The following RPS6KC1 variants were observed in gnomAD, a reference collection of about 807,000 sequenced individuals.
RPS6KC1 encodes inactive ribosomal protein S6 kinase delta-1.
RPS6KC1 carries 54 observed loss-of-function variants against 103.8 expected under a neutral mutation model. That is an observed-to-expected ratio of 0.52 (90% CI 0.42 to 0.65). RPS6KC1 has a LOEUF of 0.65. Ranked by LOEUF, RPS6KC1 falls within the 30% of genes least tolerant of loss-of-function variation. The pLI, the probability that RPS6KC1 is intolerant of heterozygous loss-of-function variation, is 0.00. For missense variants in RPS6KC1, 1,151 were observed against 1,253.8 expected (o/e 0.92, Z 1.24); for synonymous variants, 439 against 438.7 (o/e 1.00, Z -0.01).
Position 213,244,995 on chromosome 1 carries a change from C to T in RPS6KC1, c.2911+2337C>T, listed in dbSNP as rs186364458. Among the ~76,000 whole-genome samples the T allele has an allele frequency of 5.7e-3, 864 of 152,244 alleles. 10 individuals are homozygous for T. The highest frequency in any genetic ancestry group is 0.017 in the African/African-American group (721 of 41,556). On this transcript the variant is annotated intron_variant, in intron 12 of 14. Transcript: ENST00000366960. ...CATTCATTGGGCCTGTTAATTTTAGCAACCAGGTAAAACAAAACGAGTAAT... is the reference window on the plus strand; with the variant it reads ...CATTCATTGGGCCTGTTAATTTTAGTAACCAGGTAAAACAAAACGAGTAAT...
At chr1:213,221,833 CA>C (rs1429331082) in intron 8 of RPS6KC1, among the ~76,000 whole-genome samples, 2 of 152,076 alleles carry the variant, frequency 1.3e-5, no homozygotes, top group African/African-American at 4.8e-5. Context: ...TTTGCATAAA[CA>C]AAGTATATTT....
At chr1:213,786,525 G>A in the RPS6KC1 span, among the ~76,000 whole-genome samples, 4 of 152,126 alleles carry the variant, frequency 2.6e-5, no homozygotes, top group Non-Finnish European at 2.9e-5. Flanking sequence ...GGTGTCCTTG[G>A]ATAAAGTCAC....
chr1:213,363,812 TTCTTCTC>T, the RPS6KC1 span, among the ~76,000 whole-genome samples: 1 of 95,424 alleles, frequency 1.0e-5, no homozygotes, highest in Admixed American at 9.8e-5. Flanking sequence ...CTTTCTTTCT[TTCTTCTC>T]TCTTTTTTTT....
chr1:213,422,996 C>A, the RPS6KC1 span, among the ~76,000 whole-genome samples: 4 of 152,188 alleles, frequency 2.6e-5, no homozygotes, highest in African/African-American at 9.6e-5. Flanking sequence ...ACAGAAAAAC[C>A]TGGAGTTTCA....
intron 2 of RPS6KC1, among the ~76,000 whole-genome samples, chr1:213,071,399 G>T (rs914762148): frequency 6.6e-6 from 1 of 152,174 alleles, no homozygotes; most frequent in Non-Finnish European, 1.5e-5. Flanking sequence ...AAAGTGCTGG[G>T]ATTACAGACG....
the RPS6KC1 span, among the ~76,000 whole-genome samples, chr1:213,480,891 G>A: frequency 6.6e-6 from 1 of 152,042 alleles, no homozygotes; most frequent in South Asian, 2.1e-4. Flanking sequence ...AGATAACTAT[G>A]CATATTATTC....
intron 8 of RPS6KC1, among the ~76,000 whole-genome samples, chr1:213,187,877 T>A (rs2092597948): frequency 6.6e-6 from 1 of 152,200 alleles, no homozygotes; most frequent in South Asian, 2.1e-4. Flanking sequence ...TAGTGAATCT[T>A]TACATCTAGG....
In RPS6KC1 at chr1:213,058,613, C is replaced by G. The variant is rs368545795; in HGVS notation, c.105+7104C>G. Among the ~76,000 whole-genome samples, 12 of 152,112 alleles carry G rather than the reference C, an allele frequency of 7.9e-5. No individual in the cohort carries two copies. The East Asian group carries it at 1.9e-3, about 24-fold the overall frequency. ...TGACTATATATGTGTAAAGCTGTTT[C>G]TGGATTCTCTTATTTTGTTCCATAC... On this transcript the variant is annotated intron_variant, in intron 1 of 14. Coordinates refer to ENST00000366960, the MANE Select transcript of RPS6KC1 (RefSeq NM_012424.6).
chr1:213,481,634 C>G, the RPS6KC1 span, among the ~76,000 whole-genome samples: 1 of 152,090 alleles, frequency 6.6e-6, no homozygotes, highest in East Asian at 1.9e-4. Context: ...ATCTTTATCT[C>G]CTGTTTTTTT....
In RPS6KC1 at chr1:213,090,250, A is replaced by G. The variant is rs139340983; in HGVS notation, c.262+12434A>G. On this transcript the variant is annotated intron_variant, in intron 3 of 14. Coordinates refer to ENST00000366960, the MANE Select transcript of RPS6KC1 (RefSeq NM_012424.6). The stretch of plus-strand genomic sequence containing the variant: ...TCATGCTTCTAAACCTACAGCCAGT[A>G]TTTTTTCTTGTGTTCTAAAAGTAAG... Among the ~76,000 whole-genome samples the G allele has an allele frequency of 4.1e-4, 62 of 152,226 alleles. No individual in the cohort carries two copies. The East Asian group carries it at 9.7e-3, about 24-fold the overall frequency.
the RPS6KC1 span, among the ~76,000 whole-genome samples, chr1:213,583,991 G>A: frequency 0.042 from 6,336 of 152,120 alleles, 188 homozygotes; most frequent in East Asian, 0.11. Context: ...TTGAATTTTA[G>A]CCCCCATAAT....
the RPS6KC1 span, among the ~76,000 whole-genome samples, chr1:213,605,853 G>T: frequency 1.3e-5 from 2 of 151,996 alleles, no homozygotes; most frequent in Admixed American, 6.5e-5. Flanking sequence ...CCAAGGTTAC[G>T]CCAGAGGACA....
intron 6 of RPS6KC1, among the ~76,000 whole-genome samples, chr1:213,133,088 C>T (rs537210511): frequency 5.3e-4 from 81 of 152,308 alleles, no homozygotes; most frequent in Non-Finnish European, 2.8e-4. Flanking sequence ...ACTTCACTTA[C>T]TCCCTCTTAG....
the RPS6KC1 span, among the ~76,000 whole-genome samples, chr1:213,631,064 G>A: frequency 7.2e-5 from 11 of 152,220 alleles, no homozygotes; most frequent in Admixed American, 2.6e-4. Context: ...TTGGAAAAGC[G>A]CAATATTAGG....
intron 12 of RPS6KC1, among the ~76,000 whole-genome samples, chr1:213,246,458 G>A (rs1024047055): frequency 1.6e-4 from 24 of 151,820 alleles, no homozygotes; most frequent in Non-Finnish European, 4.4e-5. Context: ...TTGTTGTGAG[G>A]GATTAGAGAA....
the RPS6KC1 span, among the ~76,000 whole-genome samples, chr1:213,784,769 A>G: frequency 4.5e-4 from 69 of 152,336 alleles, no homozygotes; most frequent in South Asian, 2.3e-3. Flanking sequence ...TGCCAGTCAT[A>G]GTAACCCAAA....
At chr1:213,233,881 T>C (rs2094160055) in intron 10 of RPS6KC1, among the ~76,000 whole-genome samples, 1 of 152,202 alleles carries the variant, frequency 6.6e-6, no homozygotes, top group South Asian at 2.1e-4. Context: ...AAGATGGTTT[T>C]ATAATATAAA....
At chr1:213,232,402 G>A (rs779753349) in intron 10 of RPS6KC1, 147 bp downstream of exon 10, 15 of 980,832 alleles carry the variant, frequency 1.5e-5, no homozygotes, top group Non-Finnish European at 2.3e-5. Flanking sequence ...TCCCTACTTT[G>A]AGTTGTGAGG....
At chr1:213,490,462 A>G in the RPS6KC1 span, among the ~76,000 whole-genome samples, 7 of 152,198 alleles carry the variant, frequency 4.6e-5, no homozygotes, top group African/African-American at 1.7e-4. Flanking sequence ...TTGACTCTGT[A>G]TGAGGTGAAG....
Sources: gnomAD v4.1 joint callset for allele counts (sites outside exome capture counted in the v4.1 genomes callset) on GRCh38, gnomAD v4.1.1 for gene constraint, MANE v1.5 for transcripts, NCBI Gene and HGNC (gene_info 2026-07-23, HGNC 2026-07-21) for gene names.